Variants in DACH1 observed in about 807,000 individuals in gnomAD.
The protein encoded by DACH1 is dachshund family transcription factor 1.
Under a neutral mutation model 54.2 loss-of-function variants are expected in DACH1, and 12 were observed. The observed-to-expected ratio is 0.22, with a 90% CI of 0.14 to 0.36. The LOEUF (loss-of-function observed/expected upper bound fraction) is 0.36. Ranked by LOEUF, DACH1 falls within the 10% of genes least tolerant of loss-of-function variation. The pLI, the probability that DACH1 is intolerant of heterozygous loss-of-function variation, is 1.00. For missense variants in DACH1, 805 were observed against 929.8 expected (o/e 0.87, Z 1.75); for synonymous variants, 386 against 366.2 (o/e 1.05, Z -0.62).
In DACH1 at chr13:71,559,715, C is replaced by T. The variant is rs1884467954; in HGVS notation, c.1435+105G>A. On this transcript the variant is annotated intron_variant, in intron 5 of 10. Transcript: ENST00000613252. ...TGGCTATTGCTACAGAGTTTCAGAA[C>T]ATGATCCATCTGAGATCTATTTGGA... The T allele has an allele frequency of 4.2e-6, 6 of 1,433,748 alleles. No homozygotes were observed. The African/African-American group carries it at 8.5e-5, about 20-fold the overall frequency. 88.8% of individuals were successfully genotyped at this position (1,433,748 alleles called of 1,614,324 possible). A position where few individuals can be genotyped will look rare whatever the true frequency, so the allele number is the denominator to read the frequency against.
intron 1 of DACH1, among the ~76,000 whole-genome samples, chr13:71,791,210 C>T (rs1886816589): frequency 6.6e-6 from 1 of 152,158 alleles, no homozygotes; most frequent in Non-Finnish European, 1.5e-5. Flanking sequence ...AAAAGTGTGC[C>T]ATGTGCAACC....
At chr13:71,672,203 TGTAC>T (rs1304224470) in intron 2 of DACH1, among the ~76,000 whole-genome samples, 1 of 152,192 alleles carries the variant, frequency 6.6e-6, no homozygotes, top group Non-Finnish European at 1.5e-5. Context: ...TTTCCAAAGT[TGTAC>T]CATAATGTTC....
At chr13:71,549,217 A>T (rs1052699752) in intron 6 of DACH1, among the ~76,000 whole-genome samples, 8 of 152,144 alleles carry the variant, frequency 5.3e-5, no homozygotes, top group Non-Finnish European at 2.9e-5. Flanking sequence ...TAAATCATTA[A>T]ATGAAGCAAA....
chr13:71,600,492 T>A (rs936058318), intron 3 of DACH1, among the ~76,000 whole-genome samples: 2 of 152,012 alleles, frequency 1.3e-5, no homozygotes, highest in African/African-American at 2.4e-5. Context: ...ATATGTTATA[T>A]CCTTATAATA....
intron 3 of DACH1, among the ~76,000 whole-genome samples, chr13:71,584,608 C>G (rs777188198): frequency 7.2e-5 from 11 of 152,020 alleles, no homozygotes; most frequent in Non-Finnish European, 1.6e-4. Flanking sequence ...TGTCAAATCT[C>G]TACTGAACTG....
At chr13:71,478,929 A>C (rs1434485040) in intron 8 of DACH1, among the ~76,000 whole-genome samples, 1 of 152,136 alleles carries the variant, frequency 6.6e-6, no homozygotes, top group Non-Finnish European at 1.5e-5. Flanking sequence ...ACAATCAATA[A>C]AAGTTATATA....
chr13:71,671,331 G>C (rs1328420089), intron 2 of DACH1, among the ~76,000 whole-genome samples: 1 of 151,886 alleles, frequency 6.6e-6, no homozygotes, highest in Non-Finnish European at 1.5e-5. Flanking sequence ...CATAGTCACA[G>C]TTTTATTCAG....
chr13:71,741,599 A>T (rs191427462), intron 1 of DACH1, among the ~76,000 whole-genome samples: 5 of 152,326 alleles, frequency 3.3e-5, no homozygotes, highest in African/African-American at 1.2e-4. Flanking sequence ...CCCTCTGATA[A>T]TATGTCTAAG....
intron 1 of DACH1, among the ~76,000 whole-genome samples, chr13:71,853,309 C>T (rs1873790383): frequency 6.6e-6 from 1 of 152,168 alleles, no homozygotes; most frequent in Admixed American, 6.5e-5. Flanking sequence ...GATCTTTCTG[C>T]CTACTTTCTT....
At chr13:71,840,779 T>G (rs1872786334) in intron 1 of DACH1, among the ~76,000 whole-genome samples, 1 of 152,224 alleles carries the variant, frequency 6.6e-6, no homozygotes, top group South Asian at 2.1e-4. Context: ...CATCAATATC[T>G]GAGCAGATAA....
At chr13:71,811,154 T>A (rs303964) in intron 1 of DACH1, among the ~76,000 whole-genome samples, 48,271 of 151,924 alleles carry the variant, frequency 0.32, 8,106 homozygotes, top group African/African-American at 0.39. Context: ...ATTTATTAAT[T>A]TTGTCCCAGT....
chr13:71,838,112 A>G (rs1888870853), intron 1 of DACH1, among the ~76,000 whole-genome samples: 2 of 150,974 alleles, frequency 1.3e-5, no homozygotes, highest in African/African-American at 2.4e-5. Context: ...TTTAATTATT[A>G]GTGAAGAGGT....
intron 6 of DACH1, among the ~76,000 whole-genome samples, chr13:71,543,925 A>G (rs1427294668): frequency 1.3e-5 from 2 of 152,164 alleles, no homozygotes; most frequent in African/African-American, 4.8e-5. Flanking sequence ...GATTTACCAC[A>G]TATCTTTCTC....
At chr13:71,864,192 C>CAT in intron 1 of DACH1, among the ~76,000 whole-genome samples, 1 of 120,006 alleles carries the variant, frequency 8.3e-6, no homozygotes, top group South Asian at 2.6e-4. Flanking sequence ...CACACACACA[C>CAT]ACACACACAC....
chr13:71,837,416 T>C (rs183721097), intron 1 of DACH1, among the ~76,000 whole-genome samples: 2 of 149,018 alleles, frequency 1.3e-5, no homozygotes, highest in East Asian at 4.1e-4. Flanking sequence ...GGGTTTTTTT[T>C]AACACTCTGC....
At chr13:71,704,407 C>T (rs1047405406) in intron 1 of DACH1, 8 of 402,622 alleles carry the variant, frequency 2.0e-5, no homozygotes, top group African/African-American at 1.1e-4. Context: ...TTGTTTTAAA[C>T]AAGTTAAGGG....
intron 6 of DACH1, among the ~76,000 whole-genome samples, chr13:71,526,703 T>TGTGTATATATATATATATATATAG: frequency 6.8e-6 from 1 of 147,230 alleles, no homozygotes; most frequent in Non-Finnish European, 1.5e-5. Flanking sequence ...CATATGTGTG[T>TGTGTATATATATATATATATATAG]GTGTATATAT....
chr13:71,864,174 C>A (rs1485767462), intron 1 of DACH1, among the ~76,000 whole-genome samples: 2 of 119,978 alleles, frequency 1.7e-5, no homozygotes, highest in Non-Finnish European at 3.2e-5. Flanking sequence ...AGCGCGCGCG[C>A]GCACATACAC....
At chr13:71,684,227 A>G (rs189532300) in intron 1 of DACH1, among the ~76,000 whole-genome samples, 37 of 152,234 alleles carry the variant, frequency 2.4e-4, no homozygotes, top group Admixed American at 1.0e-3. Flanking sequence ...TCCAGAGTCT[A>G]AACAACTCTC....
Sources: gnomAD v4.1 joint callset for allele counts (sites outside exome capture counted in the v4.1 genomes callset) on GRCh38, gnomAD v4.1.1 for gene constraint, MANE v1.5 for transcripts, NCBI Gene and HGNC (gene_info 2026-07-23, HGNC 2026-07-21) for gene names.